GALNT17: variants seen among roughly 807,000 people sequenced by gnomAD.
The protein encoded by GALNT17 is polypeptide N-acetylgalactosaminyltransferase 17, also known as UDP-GalNAc:polypeptide N-acetylgalactosaminyltransferase-like 3.
A neutral mutation model predicts 63.7 loss-of-function variants in GALNT17; 29 were observed. The observed-to-expected ratio is 0.46, with a 90% CI of 0.34 to 0.62. GALNT17 has a LOEUF of 0.62. Ranked by LOEUF, GALNT17 falls within the 20% of genes least tolerant of loss-of-function variation. The pLI, the probability that GALNT17 is intolerant of heterozygous loss-of-function variation, is 0.01. For synonymous variants in GALNT17, 305 were observed against 318.3 expected, an observed-to-expected ratio of 0.96 and a Z score of 0.45; for missense variants, 603 against 799.6, an observed-to-expected ratio of 0.75 and a Z score of 2.97.
At chr7:71,432,499 A>G (rs1583947915) in intron 5 of GALNT17, among the ~76,000 whole-genome samples, 1 of 152,116 alleles carries the variant, frequency 6.6e-6, no homozygotes, top group East Asian at 1.9e-4. Context: ...ATCAGGTAGG[A>G]TATTCCAAGG....
chr7:71,535,679 T>C (rs1176143778), intron 5 of GALNT17, among the ~76,000 whole-genome samples: 1 of 152,214 alleles, frequency 6.6e-6, no homozygotes, highest in Non-Finnish European at 1.5e-5. Context: ...GACTCTACTT[T>C]CTTTGTCTCT....
intron 2 of GALNT17, among the ~76,000 whole-genome samples, chr7:71,356,239 A>G (rs1792282718): frequency 1.3e-5 from 2 of 152,134 alleles, no homozygotes; most frequent in African/African-American, 2.4e-5. Flanking sequence ...TGGCCTCCCA[A>G]AGTGCTGAGA....
intron 6 of GALNT17, among the ~76,000 whole-genome samples, chr7:71,580,024 G>A (rs533664516): frequency 4.6e-5 from 7 of 152,094 alleles, no homozygotes; most frequent in African/African-American, 1.7e-4. Flanking sequence ...ATAGACGATA[G>A]AGATGATGGA....
intron 2 of GALNT17, among the ~76,000 whole-genome samples, chr7:71,359,143 C>T (rs1255662879): frequency 6.6e-6 from 1 of 152,186 alleles, no homozygotes; most frequent in Non-Finnish European, 1.5e-5. Context: ...GTGCCTTTGT[C>T]TGTTTGTGTT....
At chr7:71,205,982 C>G (rs1318224726) in intron 1 of GALNT17, among the ~76,000 whole-genome samples, 1 of 151,464 alleles carries the variant, frequency 6.6e-6, no homozygotes, top group South Asian at 2.1e-4. Flanking sequence ...CACTGAGCCA[C>G]TGCATGTAGT....
chr7:71,399,367 G>T (rs541523223), intron 3 of GALNT17, among the ~76,000 whole-genome samples: 1 of 152,166 alleles, frequency 6.6e-6, no homozygotes, highest in East Asian at 1.9e-4. Flanking sequence ...TGCTGCTGCC[G>T]GTTCCATTGC....
At chr7:71,377,395 A>C (rs1298121957) in intron 2 of GALNT17, among the ~76,000 whole-genome samples, 1 of 144,242 alleles carries the variant, frequency 6.9e-6, no homozygotes, top group Non-Finnish European at 1.6e-5. Flanking sequence ...CAGGCTGTCA[A>C]AGAAGACATA....
rs938872144 is a variant in GALNT17, at chr7:71,388,115, T to C, written c.423-120T>C. 5 of 1,047,424 alleles carry C rather than the reference T, an allele frequency of 4.8e-6. No homozygotes were observed. The African/African-American group carries it at 6.3e-5, about 13-fold the overall frequency. 64.9% of individuals were successfully genotyped at this position (1,047,424 alleles called of 1,614,324 possible). On this transcript the variant is annotated intron_variant, in intron 2 of 10. Transcript: ENST00000333538. ...CCAAGGAGAAGCCTAAGGGAACCAG[T>C]GATTCACGCCTTGGGACGACTGGAT...
At chr7:71,583,850 C>A (rs370422824) in intron 6 of GALNT17, among the ~76,000 whole-genome samples, 1 of 151,902 alleles carries the variant, frequency 6.6e-6, no homozygotes, top group Admixed American at 6.6e-5. Context: ...CCTGGCTGGG[C>A]GCGGTGGCTC....
At chr7:71,204,139 C>T (rs1789224678) in intron 1 of GALNT17, among the ~76,000 whole-genome samples, 1 of 152,134 alleles carries the variant, frequency 6.6e-6, no homozygotes, top group South Asian at 2.1e-4. Context: ...GTTTTCTCAA[C>T]ACCATTTATT....
chr7:71,486,457 T>C (rs1787911854), intron 5 of GALNT17, among the ~76,000 whole-genome samples: 1 of 151,380 alleles, frequency 6.6e-6, no homozygotes, highest in Non-Finnish European at 1.5e-5. Context: ...ACTTCCTGGA[T>C]TGTTGAGACT....
intron 9 of GALNT17, among the ~76,000 whole-genome samples, chr7:71,681,603 A>C (rs1473447503): frequency 6.6e-6 from 1 of 152,198 alleles, no homozygotes; most frequent in African/African-American, 2.4e-5. Context: ...CCTGGGCCCC[A>C]TGGCTGTGCC....
chr7:71,287,124 C>G (rs945951356), intron 1 of GALNT17, among the ~76,000 whole-genome samples: 3 of 152,076 alleles, frequency 2.0e-5, no homozygotes, highest in African/African-American at 7.2e-5. Context: ...AGGTCTCACT[C>G]TGTTGCTCAG....
At chr7:71,711,721 CTT>C in intron 10 of GALNT17, among the ~76,000 whole-genome samples, 1 of 149,518 alleles carries the variant, frequency 6.7e-6, no homozygotes, top group South Asian at 2.2e-4. Flanking sequence ...TCTCTTCCCT[CTT>C]TTTCTACCCC....
Position 71,651,511 on chromosome 7 carries a change from C to T in GALNT17, c.1081-13900C>T, listed in dbSNP as rs913678673. On this transcript the variant is annotated intron_variant, in intron 6 of 10. Coordinates refer to ENST00000333538, the MANE Select transcript of GALNT17 (RefSeq NM_022479.3). ...TAGACACGGGGTTTCACCATGTTGG[C>T]CAGGATGGTCTCCATCTCTTGACCT... Among the ~76,000 whole-genome samples, 10 of 152,138 alleles carry T rather than the reference C, an allele frequency of 6.6e-5. No individual in the cohort carries two copies. The South Asian group carries it at 1.5e-3, about 22-fold the overall frequency.
chr7:71,194,464 C>A (rs563141838), intron 1 of GALNT17, among the ~76,000 whole-genome samples: 34 of 152,186 alleles, frequency 2.2e-4, no homozygotes, highest in African/African-American at 7.7e-4. Context: ...TGTTCCCTGG[C>A]AGATACAGTA....
intron 9 of GALNT17, among the ~76,000 whole-genome samples, chr7:71,693,267 C>T (rs1435455770): frequency 3.5e-5 from 3 of 85,384 alleles, no homozygotes; most frequent in African/African-American, 1.2e-4. Flanking sequence ...CACACATACA[C>T]ACACACACAC....
chr7:71,147,755 C>T (rs1021144705), intron 1 of GALNT17, among the ~76,000 whole-genome samples: 1 of 152,092 alleles, frequency 6.6e-6, no homozygotes. Context: ...CCTCAGCCTC[C>T]CGGGTAGCTG....
intron 6 of GALNT17, among the ~76,000 whole-genome samples, chr7:71,660,260 A>T (rs941947223): frequency 3.3e-5 from 5 of 152,114 alleles, no homozygotes; most frequent in Admixed American, 1.3e-4. Flanking sequence ...GGTCACCAAG[A>T]ACCCTGCGGT....
Sources: allele counts gnomAD v4.1 joint callset (sites outside exome capture counted in the v4.1 genomes callset), GRCh38; gene constraint gnomAD v4.1.1; transcripts MANE v1.5; gene names NCBI Gene and HGNC (gene_info 2026-07-23, HGNC 2026-07-21).